RORB: variants seen among roughly 807,000 people sequenced by gnomAD.
RORB encodes the protein RAR related orphan receptor B.
A neutral mutation model predicts 59.1 loss-of-function variants in RORB; 6 were observed. That is an observed-to-expected ratio of 0.10 (90% CI 0.06 to 0.20). RORB has a LOEUF of 0.20. RORB is among the 10% of genes least tolerant of loss of function. The pLI is 1.00. For missense variants in RORB, 320 were observed against 560.5 expected (o/e 0.57, Z 4.33); for synonymous variants, 215 against 204.5 (o/e 1.05, Z -0.44).
At chr9:74,576,140 A>G (rs1056511312) in intron 1 of RORB, among the ~76,000 whole-genome samples, 1 of 152,158 alleles carries the variant, frequency 6.6e-6, no homozygotes, top group Admixed American at 6.6e-5. Context: ...GGAAACCAGC[A>G]TGATCTTTAA....
intron 1 of RORB, among the ~76,000 whole-genome samples, chr9:74,598,246 C>A (rs986365360): frequency 2.0e-5 from 3 of 152,122 alleles, no homozygotes; most frequent in Non-Finnish European, 4.4e-5. Context: ...AGGCCACTTA[C>A]ATCTCTGAAA....
At chr9:74,581,200 G>A (rs1476498412) in intron 1 of RORB, among the ~76,000 whole-genome samples, 1 of 152,016 alleles carries the variant, frequency 6.6e-6, no homozygotes, top group African/African-American at 2.4e-5. Flanking sequence ...CTTCTTAAAG[G>A]TCCTAAGCCC....
intron 1 of RORB, among the ~76,000 whole-genome samples, chr9:74,572,837 T>C (rs576800952): frequency 2.6e-5 from 4 of 152,312 alleles, no homozygotes; most frequent in Admixed American, 2.6e-4. Context: ...AGTACCACCT[T>C]GTGAAAGATA....
At chr9:74,577,100 T>C (rs1822647318) in intron 1 of RORB, among the ~76,000 whole-genome samples, 1 of 152,248 alleles carries the variant, frequency 6.6e-6, no homozygotes, top group East Asian at 1.9e-4. Context: ...AGGGAGATGC[T>C]TAAGATGAAA....
chr9:74,660,997 G>T (rs7865407), intron 5 of RORB, among the ~76,000 whole-genome samples: 97,216 of 152,036 alleles, frequency 0.64, 31,479 homozygotes, highest in East Asian at 0.89. Context: ...GAAAAACCAC[G>T]GCCCTATTTG....
intron 4 of RORB, among the ~76,000 whole-genome samples, chr9:74,650,461 G>T (rs968488368): frequency 6.6e-6 from 1 of 152,178 alleles, no homozygotes; most frequent in African/African-American, 2.4e-5. Flanking sequence ...GATTAGCGTG[G>T]TATGCAACCA....
At chr9:74,642,318 G>A (rs1823821049) in intron 3 of RORB, 96 bp from the exon 4 acceptor site, 1 of 1,250,080 alleles carries the variant, frequency 8.0e-7, no homozygotes, top group Admixed American at 2.2e-5. Context: ...TGCATTTGAA[G>A]TTGAAGGGAC....
intron 1 of RORB, among the ~76,000 whole-genome samples, chr9:74,530,135 G>A (rs1826214674): frequency 6.6e-6 from 1 of 151,948 alleles, no homozygotes; most frequent in South Asian, 2.1e-4. Context: ...CACTCCAAGT[G>A]GGATGAAAGG....
At chr9:74,637,495 T>C (rs1172005727) in intron 3 of RORB, among the ~76,000 whole-genome samples, 2 of 152,310 alleles carry the variant, frequency 1.3e-5, no homozygotes, top group East Asian at 1.9e-4. Flanking sequence ...TTTATGTGTA[T>C]AAAAAGGTGA....
At chr9:74,682,615 C>T (rs891292596) in intron 9 of RORB, among the ~76,000 whole-genome samples, 1 of 152,148 alleles carries the variant, frequency 6.6e-6, no homozygotes, top group Non-Finnish European at 1.5e-5. Context: ...AATTTCATTA[C>T]TTGACCCCCA....
intron 1 of RORB, among the ~76,000 whole-genome samples, chr9:74,568,706 A>AC (rs1212003703): frequency 6.6e-6 from 1 of 151,754 alleles, no homozygotes; most frequent in East Asian, 1.9e-4. Context: ...TCTCAAAAAA[A>AC]AAAAAAAAGA....
chr9:74,563,715 C>T (rs1822431651), intron 1 of RORB, among the ~76,000 whole-genome samples: 1 of 152,180 alleles, frequency 6.6e-6, no homozygotes, highest in Non-Finnish European at 1.5e-5. Flanking sequence ...GATGCTGAGG[C>T]ATGCAGAACT....
chr9:74,596,215 T>G (rs1347651253), intron 1 of RORB, among the ~76,000 whole-genome samples: 2 of 152,132 alleles, frequency 1.3e-5, no homozygotes, highest in African/African-American at 4.8e-5. Flanking sequence ...GAAATCATGG[T>G]AATTGCCCCC....
At chr9:74,683,349 A>G (rs377265106) in intron 9 of RORB, among the ~76,000 whole-genome samples, 25 of 152,300 alleles carry the variant, frequency 1.6e-4, no homozygotes, top group African/African-American at 6.0e-4. Context: ...TTAAGTGGAC[A>G]CTTGAACACT....
intron 1 of RORB, among the ~76,000 whole-genome samples, chr9:74,599,305 T>C (rs947612983): frequency 3.3e-5 from 5 of 152,070 alleles, no homozygotes; most frequent in African/African-American, 1.2e-4. Context: ...AACTCCAGTC[T>C]TTCCACCAGA....
rs1346439866 is a variant in RORB at position 74,686,194 on chromosome 9, G to T, written c.*576G>T. On this transcript the variant is annotated 3_prime_UTR_variant, in exon 10 of 10. Coordinates refer to ENST00000376896, the MANE Select transcript of RORB (RefSeq NM_006914.4). The stretch of plus-strand genomic sequence containing the variant: ...CTACTAGCAATGGAGGTTCAGTCAG[G>T]CTCTCTTCTATGATTTACCTTCTGT... The T allele has an allele frequency of 6.6e-6, 1 of 152,586 alleles. No individual in the cohort carries two copies. Among genetic ancestry groups the T allele is most frequent in the Admixed American group, 6.5e-5 (1 of 15,278 alleles). The allele number at this position is 152,586 out of a possible 1,614,324, so 9.5% of individuals were successfully genotyped here.
intron 1 of RORB, among the ~76,000 whole-genome samples, chr9:74,556,351 A>G (rs764785161): frequency 3.9e-5 from 6 of 152,114 alleles, no homozygotes; most frequent in African/African-American, 1.4e-4. Flanking sequence ...ATGACACTAA[A>G]AGAGTAAAAT....
chr9:74,600,071 A>G (rs1313144806), intron 1 of RORB, among the ~76,000 whole-genome samples: 2 of 152,190 alleles, frequency 1.3e-5, no homozygotes, highest in Admixed American at 6.5e-5. Context: ...TATAAGGACT[A>G]GTTTCCAATA....
chr9:74,662,752 A>G (rs775906694), intron 6 of RORB, 146 bp downstream of exon 6: 47 of 802,206 alleles, frequency 5.9e-5, no homozygotes, highest in Non-Finnish European at 9.0e-5. Flanking sequence ...GGAAACTCTC[A>G]GTAATAAAAA....
Sources: allele counts gnomAD v4.1 joint callset (sites outside exome capture counted in the v4.1 genomes callset), GRCh38; gene constraint gnomAD v4.1.1; transcripts MANE v1.5; gene names NCBI Gene and HGNC (gene_info 2026-07-23, HGNC 2026-07-21).